Variants in SLC9A9 observed in about 807,000 individuals in gnomAD.
SLC9A9 encodes sodium/hydrogen exchanger 9.
In SLC9A9, 62 loss-of-function variants were observed where a neutral mutation model predicts 77.8. The ratio of observed to expected loss-of-function variants is 0.80; its 90% confidence interval spans 0.65 to 0.98. The LOEUF (loss-of-function observed/expected upper bound fraction) is 0.98. Ranked by LOEUF, SLC9A9 falls within the 50% of genes least tolerant of loss-of-function variation. SLC9A9 has a pLI of 0.00. For missense variants in SLC9A9, 775 were observed against 774.9 expected (o/e 1.00, Z 0.00); for synonymous variants, 320 against 283.5 (o/e 1.13, Z -1.29).
At chr3:143,669,006 G>C (rs1057275866) in intron 5 of SLC9A9, among the ~76,000 whole-genome samples, 1 of 152,144 alleles carries the variant, frequency 6.6e-6, no homozygotes, top group African/African-American at 2.4e-5. Flanking sequence ...ATCCCAGTCT[G>C]AGACTAGTGG....
rs1182023010 is a variant in SLC9A9, at chr3:143,277,512, A to G, written c.1605-8532T>C. On this transcript the variant is annotated intron_variant, in intron 14 of 15. Coordinates refer to ENST00000316549, the MANE Select transcript of SLC9A9 (RefSeq NM_173653.4). ...GCATAGTGCCATGGTAACAATATAA[A>G]TTTTACCACTATTAGGTCTTTATAA... Among the ~76,000 whole-genome samples, 3 of 152,140 alleles carry G rather than the reference A, an allele frequency of 2.0e-5. No homozygotes were observed. In the East Asian group the frequency reaches 5.8e-4, roughly 29 times the overall value.
chr3:143,516,239 G>GCTCT (rs71140441), intron 9 of SLC9A9, among the ~76,000 whole-genome samples: 9 of 151,254 alleles, frequency 6.0e-5, no homozygotes, highest in Non-Finnish European at 7.4e-5. Context: ...GCTTATTTTT[G>GCTCT]CTCTCTCTCT....
chr3:143,403,782 G>C (rs974044874), intron 12 of SLC9A9, among the ~76,000 whole-genome samples: 2 of 152,126 alleles, frequency 1.3e-5, no homozygotes, highest in Non-Finnish European at 2.9e-5. Context: ...TCAACACTTT[G>C]AGTATAATGT....
intron 2 of SLC9A9, among the ~76,000 whole-genome samples, chr3:143,807,424 C>A (rs184051688): frequency 6.6e-6 from 1 of 150,482 alleles, no homozygotes; most frequent in Non-Finnish European, 1.5e-5. Flanking sequence ...GCCTCACTGA[C>A]CTCTGGCTTT....
In SLC9A9 at chr3:143,578,689, T is replaced by C. The variant is rs146761185; in HGVS notation, c.790A>G (p.Asn264Asp). The C allele has an allele frequency of 6.2e-7, 1 of 1,614,078 alleles. No individual in the cohort carries two copies. Among genetic ancestry groups the C allele is most frequent in the African/African-American group, 1.3e-5 (1 of 75,044 alleles). Reference sequence around the variant, plus strand: ...AAGAATGCTGCGGCATCAAATGCATTTGGATTCTCCTTGGGACTGTAAATG... The same window carrying C: ...AAGAATGCTGCGGCATCAAATGCATCTGGATTCTCCTTGGGACTGTAAATG... ...ISIYSPKENPNAFDAAAFFQS... is the reference protein window; with the variant it reads ...ISIYSPKENPDAFDAAAFFQS... Residue 264 changes from asparagine to aspartate, a missense_variant, in exon 7 of 16, where the codon AAT (asparagine) becomes GAT (aspartate). By Grantham distance (23) the Asn-to-Asp change is conservative. Coordinates refer to ENST00000316549, the MANE Select transcript of SLC9A9 (RefSeq NM_173653.4).
chr3:143,304,530 C>G lies in SLC9A9; in HGVS notation c.1605-35550G>C, dbSNP rs183728622. Among the ~76,000 whole-genome samples the G allele has an allele frequency of 3.3e-5, 5 of 152,322 alleles. No homozygotes were observed. The East Asian group carries it at 9.7e-4, about 29-fold the overall frequency. On this transcript the variant is annotated intron_variant, in intron 14 of 15. Coordinates refer to ENST00000316549, the MANE Select transcript of SLC9A9 (RefSeq NM_173653.4). ...TTGCCTTGTTCAGACATGGCTTCAT[C>G]TTGGCAGCATTCAGGCCTTGGGTTA...
intron 5 of SLC9A9, among the ~76,000 whole-genome samples, chr3:143,664,248 A>G (rs933979517): frequency 1.3e-5 from 2 of 152,228 alleles, no homozygotes; most frequent in Non-Finnish European, 1.5e-5. Context: ...TAAGTGAAGG[A>G]GAAATAAAAT....
chr3:143,612,439 C>T (rs968015900), intron 6 of SLC9A9, among the ~76,000 whole-genome samples: 4 of 152,140 alleles, frequency 2.6e-5, no homozygotes, highest in African/African-American at 9.7e-5. Flanking sequence ...GCTGGTGTGA[C>T]TTGAGCTCAC....
At chr3:143,521,291 A>G in intron 9 of SLC9A9, among the ~76,000 whole-genome samples, 1 of 152,034 alleles carries the variant, frequency 6.6e-6, no homozygotes, top group East Asian at 1.9e-4. Context: ...ACCCTTTTTC[A>G]GGGAGAAGGA....
intron 6 of SLC9A9, 92 bp downstream of exon 6, chr3:143,652,163 A>T (rs1237286453): frequency 4.8e-6 from 5 of 1,038,566 alleles, no homozygotes; most frequent in African/African-American, 4.8e-5. Context: ...AAAGCTAGAG[A>T]CTGCCCGTAT....
At chr3:143,679,963 AAAT>A (rs1933027281) in intron 5 of SLC9A9, among the ~76,000 whole-genome samples, 2 of 152,164 alleles carry the variant, frequency 1.3e-5, no homozygotes, top group African/African-American at 4.8e-5. Flanking sequence ...ACAACTGAAG[AAAT>A]AATTTAGATA....
intron 10 of SLC9A9, 145 bp from the exon 11 acceptor site, chr3:143,493,909 T>C: frequency 1.5e-6 from 1 of 680,346 alleles, no homozygotes; most frequent in Non-Finnish European, 2.6e-6. Flanking sequence ...TTTGTCCAAC[T>C]TGCTTCCAAA....
At chr3:143,749,685 G>A (rs1358099377) in intron 4 of SLC9A9, among the ~76,000 whole-genome samples, 2 of 152,188 alleles carry the variant, frequency 1.3e-5, no homozygotes, top group East Asian at 1.9e-4. Flanking sequence ...TTTCCAGGAC[G>A]AAGTGGTTCA....
At chr3:143,548,666 C>G (rs1211954967) in intron 9 of SLC9A9, among the ~76,000 whole-genome samples, 1 of 152,172 alleles carries the variant, frequency 6.6e-6, no homozygotes, top group Non-Finnish European at 1.5e-5. Flanking sequence ...TGTCATACTG[C>G]TTTTTGCCTA....
intron 11 of SLC9A9, among the ~76,000 whole-genome samples, chr3:143,484,904 G>A (rs1213278254): frequency 2.0e-5 from 3 of 152,166 alleles, no homozygotes; most frequent in Non-Finnish European, 4.4e-5. Context: ...ACATGGTAGA[G>A]TAGGAAGTAC....
intron 14 of SLC9A9, among the ~76,000 whole-genome samples, chr3:143,305,200 G>A (rs1243841674): frequency 1.3e-5 from 2 of 152,194 alleles, no homozygotes; most frequent in African/African-American, 2.4e-5. Context: ...GCAACTTTTC[G>A]AGAAGCTGTA....
intron 14 of SLC9A9, among the ~76,000 whole-genome samples, chr3:143,281,980 A>G (rs1009115628): frequency 6.6e-6 from 1 of 152,122 alleles, no homozygotes; most frequent in African/African-American, 2.4e-5. Context: ...ATGTTTCACT[A>G]TCTCTCTGGG....
rs377458054 is a variant in SLC9A9 at position 143,848,147 on chromosome 3, C to T, written c.175+1G>A. The T allele has an allele frequency of 5.6e-6, 9 of 1,613,080 alleles. No homozygotes were observed. The highest frequency in any genetic ancestry group is 1.1e-5 in the South Asian group (1 of 91,076). On this transcript the variant is annotated splice_donor_variant, in intron 1 of 15. Coordinates refer to ENST00000316549, the MANE Select transcript of SLC9A9 (RefSeq NM_173653.4). LOFTEE classifies it high-confidence loss of function. Reference sequence around the variant, plus strand: ...ATCAATCTCACAATTTATGCACTCACCATACACCATTGCTCCTCCAGTTTC... The same window carrying T: ...ATCAATCTCACAATTTATGCACTCATCATACACCATTGCTCCTCCAGTTTC...
intron 6 of SLC9A9, among the ~76,000 whole-genome samples, chr3:143,643,974 T>TAA (rs5853117): frequency 8.2e-5 from 12 of 146,112 alleles, no homozygotes; most frequent in East Asian, 8.1e-4. Flanking sequence ...TATTTTGAGC[T>TAA]AAAAAAAAAA....
Sources: allele counts gnomAD v4.1 joint callset (sites outside exome capture counted in the v4.1 genomes callset), GRCh38; gene constraint gnomAD v4.1.1; transcripts MANE v1.5; gene names NCBI Gene and HGNC (gene_info 2026-07-23, HGNC 2026-07-21).